Variants in PHACTR3 observed in about 807,000 individuals in gnomAD.
The protein encoded by PHACTR3 is protein phosphatase 1, regulatory subunit 123.
A neutral mutation model predicts 66.8 loss-of-function variants in PHACTR3; 16 were observed. The ratio of observed to expected loss-of-function variants is 0.24; its 90% CI spans 0.16 to 0.36. The LOEUF (loss-of-function observed/expected upper bound fraction) is 0.36. Ranked by LOEUF, PHACTR3 falls within the 10% of genes least tolerant of loss-of-function variation. The pLI is 1.00. For synonymous variants in PHACTR3, 323 were observed against 292.1 expected (o/e 1.11, Z -1.08); for missense variants, 647 against 719.9 (o/e 0.90, Z 1.16).
chr20:59,825,445 C>T (rs1324638457), intron 8 of PHACTR3, among the ~76,000 whole-genome samples: 1 of 152,220 alleles, frequency 6.6e-6, no homozygotes, highest in Non-Finnish European at 1.5e-5. Context: ...CTCATTCACT[C>T]ATTCATTCAT....
rs543567960 is a variant in PHACTR3, at chr20:59,786,753, A to G, written c.1174+12263A>G. On this transcript the variant is annotated intron_variant, in intron 7 of 12. Coordinates refer to ENST00000371015, the MANE Select transcript of PHACTR3 (RefSeq NM_080672.5). ...GGTGTCCATGGAGCTCTTTCTGTGC[A>G]GTTGACAGATGTCCGTGGAGCTCTC... 2.6e-5 allele frequency among the ~76,000 whole-genome samples: 4 copies of G among 151,616 alleles called. No homozygotes were observed. In the South Asian group the frequency reaches 8.3e-4, roughly 32 times the overall value.
intron 1 of PHACTR3, among the ~76,000 whole-genome samples, chr20:59,720,988 T>C (rs2038274877): frequency 6.6e-6 from 1 of 152,182 alleles, no homozygotes; most frequent in Admixed American, 6.5e-5. Context: ...ACCACGGTGC[T>C]TAGAAAAATG....
chr20:59,847,022 A>T, intron 12 of PHACTR3, 93 bp from the exon 13 acceptor site: 1 of 867,612 alleles, frequency 1.2e-6, no homozygotes, highest in Non-Finnish European at 1.9e-6. Context: ...GAATCTTTTT[A>T]ATAGCAGCAA....
At chr20:59,658,855 T>C (rs529892542) in intron 1 of PHACTR3, among the ~76,000 whole-genome samples, 131 of 152,324 alleles carry the variant, frequency 8.6e-4, no homozygotes, top group African/African-American at 2.8e-3. Flanking sequence ...CTTAGCTGTC[T>C]TGCTCTGATC....
At chr20:59,778,457 C>T (rs2040611667) in intron 7 of PHACTR3, among the ~76,000 whole-genome samples, 1 of 152,200 alleles carries the variant, frequency 6.6e-6, no homozygotes, top group Admixed American at 6.5e-5. Context: ...GTGCAAGGCT[C>T]CACCGCGTTT....
rs2042423116 is a variant in PHACTR3 at position 59,832,810 on chromosome 20, A to T, written c.1329-3695A>T. Among the ~76,000 whole-genome samples the T allele has an allele frequency of 5.3e-5, 8 of 151,990 alleles. No homozygotes were observed. In the South Asian group the frequency reaches 1.7e-3, roughly 32 times the overall value. ...GCACATGTCCTCTCCTCACCTAGCGATCCCCAATCATCCTCTGGATCCCAA... is the reference window on the plus strand; with the variant it reads ...GCACATGTCCTCTCCTCACCTAGCGTTCCCCAATCATCCTCTGGATCCCAA... On this transcript the variant is annotated intron_variant, in intron 8 of 12. Transcript: ENST00000371015.
At chr20:59,637,534 C>T (rs2034938443) in intron 1 of PHACTR3, among the ~76,000 whole-genome samples, 1 of 152,102 alleles carries the variant, frequency 6.6e-6, no homozygotes, top group Admixed American at 6.5e-5. Flanking sequence ...ATTAAATGCT[C>T]CATAGAAATT....
chr20:59,613,071 C>G (rs979013412), intron 1 of PHACTR3, among the ~76,000 whole-genome samples: 1 of 152,150 alleles, frequency 6.6e-6, no homozygotes, highest in Admixed American at 6.5e-5. Context: ...CACCTCCCAC[C>G]CAGCCCCACC....
intron 1 of PHACTR3, among the ~76,000 whole-genome samples, chr20:59,645,357 G>A (rs909954975): frequency 4.0e-5 from 6 of 151,102 alleles, no homozygotes; most frequent in African/African-American, 1.2e-4. Context: ...AAGTTCTCTT[G>A]TGGAATCATG....
intron 1 of PHACTR3, among the ~76,000 whole-genome samples, chr20:59,645,633 C>A (rs934780739): frequency 2.6e-5 from 4 of 152,216 alleles, no homozygotes; most frequent in Admixed American, 2.6e-4. Context: ...GCTTATATTG[C>A]ATATAAAACA....
intron 1 of PHACTR3, among the ~76,000 whole-genome samples, chr20:59,609,466 G>C (rs1270455953): frequency 6.6e-6 from 1 of 151,628 alleles, no homozygotes; most frequent in Non-Finnish European, 1.5e-5. Context: ...ACTTGTTTCA[G>C]GTCTCCCACC....
chr20:59,617,276 C>T (rs2034060930), intron 1 of PHACTR3, among the ~76,000 whole-genome samples: 1 of 151,966 alleles, frequency 6.6e-6, no homozygotes, highest in African/African-American at 2.4e-5. Context: ...GGGAGAAAAA[C>T]CCAAAAAAAA....
intron 1 of PHACTR3, among the ~76,000 whole-genome samples, chr20:59,613,813 T>A (rs941894189): frequency 6.6e-6 from 1 of 152,220 alleles, no homozygotes. Context: ...AAGGTTGGAC[T>A]AAGATATGTG....
intron 1 of PHACTR3, among the ~76,000 whole-genome samples, chr20:59,607,550 C>T (rs2033711124): frequency 6.6e-6 from 1 of 152,218 alleles, no homozygotes; most frequent in Admixed American, 6.5e-5. Context: ...TTTAATGCAT[C>T]AGTATTTGCA....
chr20:59,770,545 G>A (rs780466714), intron 5 of PHACTR3, among the ~76,000 whole-genome samples: 1 of 152,162 alleles, frequency 6.6e-6, no homozygotes, highest in African/African-American at 2.4e-5. Context: ...AAATTTATTC[G>A]TCACTCTTCT....
chr20:59,712,799 C>T (rs2037955453), intron 1 of PHACTR3, among the ~76,000 whole-genome samples: 1 of 152,174 alleles, frequency 6.6e-6, no homozygotes, highest in South Asian at 2.1e-4. Flanking sequence ...GCTTGTGTTT[C>T]TCAGCTTCAA....
At chr20:59,800,640 C>A (rs2146981249) in intron 7 of PHACTR3, among the ~76,000 whole-genome samples, 1 of 152,276 alleles carries the variant, frequency 6.6e-6, no homozygotes, top group Non-Finnish European at 1.5e-5. Context: ...ACACAGTTTT[C>A]TTTATGTTTC....
rs2039026085 is a variant in PHACTR3, at chr20:59,738,258, T to G, written c.119-4849T>G. ...CTGGGGTGCCTGGTCCCAGCCCCCA[T>G]GTTCTTCACAGCTACGTCACACTGG... On this transcript the variant is annotated intron_variant, in intron 1 of 12. Coordinates refer to ENST00000371015, the MANE Select transcript of PHACTR3 (RefSeq NM_080672.5). The surrounding 1 kb of genome is among the most constrained non-coding windows in gnomAD (Gnocchi z 4.4). 2.0e-5 allele frequency among the ~76,000 whole-genome samples: 3 copies of G among 152,050 alleles called. 1 individual carries two copies. The South Asian group carries it at 6.2e-4, about 32-fold the overall frequency.
At chr20:59,793,327 C>A (rs530671929) in intron 7 of PHACTR3, among the ~76,000 whole-genome samples, 2 of 152,234 alleles carry the variant, frequency 1.3e-5, no homozygotes, top group South Asian at 2.1e-4. Flanking sequence ...TGAATAATGT[C>A]ATTGGTATTT....
Sources: allele counts gnomAD v4.1 joint callset (sites outside exome capture counted in the v4.1 genomes callset), GRCh38; gene constraint gnomAD v4.1.1; non-coding constraint Gnocchi (gnomAD v3.1); transcripts MANE v1.5; gene names NCBI Gene and HGNC (gene_info 2026-07-23, HGNC 2026-07-21).